Variants in CACNA1H observed in about 807,000 individuals in gnomAD.
CACNA1H encodes voltage-dependent T-type calcium channel subunit alpha-1H.
In CACNA1H, 149 loss-of-function variants were observed where a neutral mutation model predicts 192.5. That is an observed-to-expected ratio of 0.77 (90% CI 0.68 to 0.89). The LOEUF is 0.89. CACNA1H is among the 40% of genes least tolerant of loss of function. The pLI is 0.00. For missense variants in CACNA1H, 4,257 were observed against 3,423.5 expected (o/e 1.24, Z -6.08); for synonymous variants, 2,202 against 1,475.2 (o/e 1.49, Z -11.29).
rs62012344 is a variant in CACNA1H, at chr16:1,215,061, C to T, written c.5019C>T (p.Phe1673=). ...EAALKLVAFG[F]RRFFKDRWNQ... ...CACTGAAGCTGGTAGCATTTGGGTT[C>T]CGTCGGTTCTTCAAGGACAGGTGTG... is the stretch of plus-strand genomic sequence containing the variant. The change falls in exon 28 of 35, where the codon TTC becomes TTT. Residue 1673 remains phenylalanine (F), a synonymous_variant. Coordinates refer to ENST00000348261, the MANE Select transcript of CACNA1H (RefSeq NM_021098.3). 1 of 1,612,552 alleles carries T rather than the reference C, an allele frequency of 6.2e-7. No individual in the cohort carries two copies. Among genetic ancestry groups the T allele is most frequent in the Non-Finnish European group, 8.5e-7 (1 of 1,179,318 alleles).
chr16:1,199,707 T>C (rs1365759681), intron 6 of CACNA1H, among the ~76,000 whole-genome samples: 3 of 146,318 alleles, frequency 2.1e-5, no homozygotes, highest in Middle Eastern at 3.6e-3. Context: ...CCCCCGAGTC[T>C]CCCCTCAGCC....
chr16:1,198,579 G>A (rs1383518536), intron 5 of CACNA1H, 36 bp from the exon 6 acceptor site: 1 of 1,608,720 alleles, frequency 6.2e-7, no homozygotes, highest in Admixed American at 1.7e-5. Context: ...CTCCTGCAGG[G>A]CTTAGCAGTG....
chr16:1,208,156 C>G lies in CACNA1H; in HGVS notation c.3298C>G (p.Leu1100Val). 1 of 1,576,096 alleles carries G rather than the reference C, an allele frequency of 6.3e-7. No homozygotes were observed. The highest frequency in any genetic ancestry group is 8.6e-7 in the Non-Finnish European group (1 of 1,162,590). The change falls in exon 16 of 35, where the codon CTC (leucine) becomes GTC (valine). Residue 1100 changes from leucine to valine, a missense_variant. Leu to Val is a conservative substitution (Grantham distance 32). Coordinates refer to ENST00000348261, the MANE Select transcript of CACNA1H (RefSeq NM_021098.3). Reference sequence around the variant, plus strand: ...ACCATTCCTGGATGCAGCCCCCAGCCTCCCAGACTCTCGGCGTGGCAGCAG... The same window carrying G: ...ACCATTCCTGGATGCAGCCCCCAGCGTCCCAGACTCTCGGCGTGGCAGCAG... ...SSPFLDAAPS[L>V]PDSRRGSSSS...
chr16:1,219,056 G>T lies in CACNA1H; in HGVS notation c.5974G>T (p.Gly1992Cys), dbSNP rs558813483. 4.5e-6 allele frequency: 7 copies of T among 1,549,816 alleles called. No homozygotes were observed. The highest frequency in any genetic ancestry group is 2.7e-5 in the African/African-American group (2 of 73,040). The change falls in exon 34 of 35, where the codon GGC (glycine) becomes TGC (cysteine). Residue 1992 changes from glycine (G) to cysteine (C), a missense_variant. Coordinates refer to ENST00000348261, the MANE Select transcript of CACNA1H (RefSeq NM_021098.3). ...GGCTGTGTCGTCCCCAGCCAGGAGCGGCGAGCCCCTCCACGCCCTGTCCCC... is the reference window on the plus strand; with the variant it reads ...GGCTGTGTCGTCCCCAGCCAGGAGCTGCGAGCCCCTCCACGCCCTGTCCCC... Reference protein sequence around the residue: ...PLAVSSPARSGEPLHALSPRG... With the variant: ...PLAVSSPARSCEPLHALSPRG...
chr16:1,200,858 C>A, intron 8 of CACNA1H, 50 bp downstream of exon 8: 1 of 1,333,332 alleles, frequency 7.5e-7, no homozygotes, highest in Non-Finnish European at 1.0e-6. Flanking sequence ...TGTTAGCTGG[C>A]TGGGGGTGGG....
At chr16:1,183,553 A>T (rs532765104) in intron 2 of CACNA1H, among the ~76,000 whole-genome samples, 1 of 151,512 alleles carries the variant, frequency 6.6e-6, no homozygotes, top group Non-Finnish European at 1.5e-5. Flanking sequence ...CCCCCTTCCC[A>T]CCCAGTTCCC....
At position 1,213,223 on chromosome 16, in the gene CACNA1H, A is replaced by G. The variant is rs139634552; in HGVS notation, c.4778-557A>G. 2.2e-3 allele frequency among the ~76,000 whole-genome samples: 336 copies of G among 152,318 alleles called. 5 individuals are homozygous for G. The highest frequency in any genetic ancestry group is 0.015 in the Admixed American group (227 of 15,312). ...CTTGGGCTGGTGGCCAGAGGAGGGC[A>G]GGTTACACTCTCGTCTCTGCTCCAG... is the stretch of plus-strand genomic sequence containing the variant. On this transcript the variant is annotated intron_variant, in intron 26 of 34. Transcript: ENST00000348261.
intron 29 of CACNA1H, 44 bp downstream of exon 29, chr16:1,215,419 G>A (rs1425038432): frequency 6.3e-7 from 1 of 1,591,540 alleles, no homozygotes; most frequent in South Asian, 1.1e-5. Flanking sequence ...CGGGTGGAGG[G>A]TGGGGGCTCA....
chr16:1,204,787 G>A (rs1968459222), intron 10 of CACNA1H, among the ~76,000 whole-genome samples: 1 of 125,722 alleles, frequency 8.0e-6, no homozygotes, highest in South Asian at 3.1e-4. Flanking sequence ...CGTGGGTGGG[G>A]CCCCAGATCA....
intron 30 of CACNA1H, among the ~76,000 whole-genome samples, chr16:1,216,466 G>C (rs892205241): frequency 6.6e-6 from 1 of 152,242 alleles, no homozygotes; most frequent in Non-Finnish European, 1.5e-5. Flanking sequence ...CGTGGCAGGG[G>C]AGGGGTGAGG....
At position 1,208,276 on chromosome 16, in the gene CACNA1H, G is replaced by A. The variant is rs1401676510; in HGVS notation, c.3363+55G>A. Reference sequence around the variant, plus strand: ...GGCCCCTTCAGGTTTTCCCTGCCTGGCTCCTTATGGCCTTCCCTGAAGATG... The same window carrying A: ...GGCCCCTTCAGGTTTTCCCTGCCTGACTCCTTATGGCCTTCCCTGAAGATG... On this transcript the variant is annotated intron_variant, in intron 16 of 34. Transcript: ENST00000348261. 6.3e-6 allele frequency: 8 copies of A among 1,262,696 alleles called. No individual in the cohort carries two copies. The African/African-American group carries it at 1.0e-4, about 16-fold the overall frequency. The allele number at this position is 1,262,696 out of a possible 1,614,324, so 78.2% of individuals were successfully genotyped here. A position where few individuals can be genotyped will look rare whatever the true frequency, so the allele number is the denominator to read the frequency against.
chr16:1,194,833 C>T lies in CACNA1H; in HGVS notation c.300-139C>T. 4.6e-6 allele frequency: 3 copies of T among 656,206 alleles called. No homozygotes were observed. The African/African-American group carries it at 5.4e-5, about 12-fold the overall frequency. The allele number at this position is 656,206 out of a possible 1,614,324, so 40.6% of individuals were successfully genotyped here. A position where few individuals can be genotyped will look rare whatever the true frequency, so the allele number is the denominator to read the frequency against. On this transcript the variant is annotated intron_variant, in intron 2 of 34. Coordinates refer to ENST00000348261, the MANE Select transcript of CACNA1H (RefSeq NM_021098.3). ...TTTCAGGAGGGGCGGCCGTCGGTCC[C>T]GAGTCCCCCACCCCATCCTGGACAC...
chr16:1,213,521 C>G (rs1310552270), intron 26 of CACNA1H, among the ~76,000 whole-genome samples: 1 of 152,104 alleles, frequency 6.6e-6, no homozygotes, highest in Non-Finnish European at 1.5e-5. Context: ...AAGGCCTGCT[C>G]CAGCCCAGGC....
At position 1,220,083 on chromosome 16, in the gene CACNA1H, CA is replaced by C; in HGVS notation, c.6152del (p.Gln2051ArgfsTer137). 6.9e-7 allele frequency: 1 copy of C among 1,459,526 alleles called. No homozygotes were observed. The highest frequency in any genetic ancestry group is 9.0e-7 in the Non-Finnish European group (1 of 1,107,716). The allele number at this position is 1,459,526 out of a possible 1,614,324, so 90.4% of individuals were successfully genotyped here. ...GAAAACCCCGGTGAGGCCGGTGACCCAGGGGGGCTCCCTGCAGTCCCCACCA... is the reference window on the plus strand; with the variant it reads ...GAAAACCCCGGTGAGGCCGGTGACCCGGGGGGCTCCCTGCAGTCCCCACCA... The part of the protein sequence containing the change: ...GEKTPVRPVT[Q>X]GGSLQSPPRS... On this transcript the variant is annotated frameshift_variant, in exon 35 of 35. Coordinates refer to ENST00000348261, the MANE Select transcript of CACNA1H (RefSeq NM_021098.3). LOFTEE classifies it low-confidence loss of function (END_TRUNC).
intron 2 of CACNA1H, among the ~76,000 whole-genome samples, chr16:1,176,224 G>T (rs1964873629): frequency 6.6e-6 from 1 of 152,258 alleles, no homozygotes; most frequent in East Asian, 1.9e-4. Flanking sequence ...TGCTGGAGCT[G>T]CCCTGACTGT....
intron 2 of CACNA1H, among the ~76,000 whole-genome samples, chr16:1,170,202 G>A (rs951446133): frequency 6.6e-6 from 1 of 152,136 alleles, no homozygotes; most frequent in Non-Finnish European, 1.5e-5. Flanking sequence ...TGTCCCAACT[G>A]CAGGGTTACC....
At chr16:1,218,147 C>G in intron 32 of CACNA1H, 63 bp from the exon 33 acceptor site, 1 of 1,533,588 alleles carries the variant, frequency 6.5e-7, no homozygotes, top group South Asian at 1.2e-5. Flanking sequence ...AAGGGGACGG[C>G]ACTGCCAGGG....
chr16:1,212,954 G>C (rs1969634347), intron 26 of CACNA1H, among the ~76,000 whole-genome samples: 1 of 152,228 alleles, frequency 6.6e-6, no homozygotes, highest in Non-Finnish European at 1.5e-5. Flanking sequence ...TCCAGGCCCT[G>C]GGCCAGCAGT....
chr16:1,153,697 G>T (rs2151602602), intron 1 of CACNA1H, 23 bp from the exon 2 acceptor site: 2 of 1,184,214 alleles, frequency 1.7e-6, no homozygotes, highest in East Asian at 3.7e-5. Context: ...CACCGGCCCC[G>T]GGTCACCCCC....
Sources: allele counts gnomAD v4.1 joint callset (sites outside exome capture counted in the v4.1 genomes callset), GRCh38; gene constraint gnomAD v4.1.1; transcripts MANE v1.5; gene names NCBI Gene and HGNC (gene_info 2026-07-23, HGNC 2026-07-21).